LHFPL5: variants seen among roughly 807,000 people sequenced by gnomAD.
LHFPL5 encodes the protein LHFPL tetraspan subfamily member 5.
Under a neutral mutation model 18.7 loss-of-function variants are expected in LHFPL5, and 12 were observed. The observed-to-expected ratio is 0.64, with a 90% CI of 0.41 to 1.04. The LOEUF (loss-of-function observed/expected upper bound fraction) is 1.04. LHFPL5 is among the 50% of genes least tolerant of loss of function. LHFPL5 has a pLI of 0.00. For synonymous variants in LHFPL5, 111 were observed against 120.2 expected, an observed-to-expected ratio of 0.92 and a Z score of 0.50; for missense variants, 259 against 292.1, an observed-to-expected ratio of 0.89 and a Z score of 0.83.
rs1768640517 is a variant in LHFPL5, at chr6:35,810,216, A to T, written c.412+4134A>T. On this transcript the variant is annotated intron_variant, in intron 1 of 3. Transcript: ENST00000360215. Reference sequence around the variant, plus strand: ...TGGAGGGCCCTACCCTCATGACCTAATCACCTCCCAAAGGCCCCACCTCCT... The same window carrying T: ...TGGAGGGCCCTACCCTCATGACCTATTCACCTCCCAAAGGCCCCACCTCCT... Among the ~76,000 whole-genome samples, 7 of 152,078 alleles carry T rather than the reference A, an allele frequency of 4.6e-5. No homozygotes were observed. The South Asian group carries it at 1.5e-3, about 32-fold the overall frequency.
At chr6:35,819,330 T>A in intron 2 of LHFPL5, 107 bp from the exon 3 acceptor site, 1 of 1,052,564 alleles carries the variant, frequency 9.5e-7, no homozygotes, top group Non-Finnish European at 1.5e-6. Context: ...CAAGCTTTCT[T>A]GAGAGTAAGA....
chr6:35,806,119 C>A (rs771289147), intron 1 of LHFPL5, 37 bp downstream of exon 1: 1 of 1,605,160 alleles, frequency 6.2e-7, no homozygotes, highest in African/African-American at 1.3e-5. Flanking sequence ...CAGGGGCCCA[C>A]CCCGGGGCCA....
Position 35,805,870 on chromosome 6 carries a change from A to G in LHFPL5, c.200A>G (p.Tyr67Cys), listed in dbSNP as rs201738462. Residue 67 changes from tyrosine to cysteine, a missense_variant, in exon 1 of 4, where the codon TAC (tyrosine) becomes TGC (cysteine). Physicochemically the swap from Tyr to Cys is radical, Grantham distance 194. Transcript: ENST00000360215. This position sits in a 1 kb window ranked among gnomAD's most constrained non-coding sequence, Gnocchi z 4.3. Reference sequence around the variant, plus strand: ...GCAGGCTACTTCGGCCTTTTCTCCTACTGCGTGGGTAACGTGCTGTCCTCC... The same window carrying G: ...GCAGGCTACTTCGGCCTTTTCTCCTGCTGCGTGGGTAACGTGCTGTCCTCC... ...PQAGYFGLFS[Y>C]CVGNVLSSEL... is the part of the protein sequence containing the mutation. The G allele has an allele frequency of 3.1e-6, 5 of 1,614,062 alleles. No homozygotes were observed. The East Asian group carries it at 6.7e-5, about 22-fold the overall frequency.
In LHFPL5 at chr6:35,823,009, C is replaced by G. The variant is rs539528626; in HGVS notation, c.*44C>G. On this transcript the variant is annotated 3_prime_UTR_variant, in exon 4 of 4. Transcript: ENST00000360215. Reference sequence around the variant, plus strand: ...CATCTATTTCCCAGACACAGGAAAACTAGGGAATCAAATTCTTCAGAGATA... The same window carrying G: ...CATCTATTTCCCAGACACAGGAAAAGTAGGGAATCAAATTCTTCAGAGATA... The G allele has an allele frequency of 6.6e-6, 1 of 152,126 alleles. No homozygotes were observed. Among genetic ancestry groups the G allele is most frequent in the Non-Finnish European group, 1.5e-5 (1 of 68,030 alleles). The allele number at this position is 152,126 out of a possible 1,614,324, so 9.4% of individuals were successfully genotyped here.
intron 2 of LHFPL5, among the ~76,000 whole-genome samples, chr6:35,818,340 TATATATA>T (rs1561955618): frequency 7.3e-4 from 11 of 15,138 alleles, no homozygotes; most frequent in Admixed American, 1.9e-3. Flanking sequence ...TATATATATA[TATATATA>T]TGTATTTTTT....
chr6:35,817,248 G>A (rs1768783512), intron 2 of LHFPL5, among the ~76,000 whole-genome samples: 1 of 152,100 alleles, frequency 6.6e-6, no homozygotes, highest in Non-Finnish European at 1.5e-5. Flanking sequence ...GTGAACCTGG[G>A]AGGCAGAGCT....
At chr6:35,821,857 ATTTTTTTTTTTTTTTTTTTT>A (rs763639486) in intron 3 of LHFPL5, among the ~76,000 whole-genome samples, 3 of 39,136 alleles carry the variant, frequency 7.7e-5, no homozygotes, top group South Asian at 1.5e-3. Context: ...GTGTACCACA[ATTTTTTTTTTTTTTTTTTTT>A]TTTTTTTTTT....
chr6:35,818,103 C>T (rs1768793907), intron 2 of LHFPL5, among the ~76,000 whole-genome samples: 1 of 152,042 alleles, frequency 6.6e-6, no homozygotes, highest in African/African-American at 2.4e-5. Flanking sequence ...AGGAACCAGA[C>T]ACAAAAGACT....
At chr6:35,818,320 CATATATATATATATATATAT>C (rs112710434) in intron 2 of LHFPL5, among the ~76,000 whole-genome samples, 1 of 120,240 alleles carries the variant, frequency 8.3e-6, no homozygotes, top group Non-Finnish European at 1.7e-5. Flanking sequence ...TACTAAAAGC[CATATATATATATATATATAT>C]ATATATATGT....
At chr6:35,807,623 A>G (rs1295188694) in intron 1 of LHFPL5, among the ~76,000 whole-genome samples, 2 of 152,174 alleles carry the variant, frequency 1.3e-5, no homozygotes, top group Non-Finnish European at 2.9e-5. Context: ...TGAATCCCAG[A>G]CCACCAAACA....
chr6:35,819,421 C>T lies in LHFPL5; in HGVS notation c.650-16C>T. ...AGACTTGGTAGTAACGTATACTGTTCTCTCCTTCATTACAGAGGAGGTGTG... is the reference window on the plus strand; with the variant it reads ...AGACTTGGTAGTAACGTATACTGTTTTCTCCTTCATTACAGAGGAGGTGTG... On this transcript the variant is annotated splice_polypyrimidine_tract_variant and intron_variant, in intron 2 of 3. Transcript: ENST00000360215. 1.2e-6 allele frequency: 2 copies of T among 1,613,696 alleles called. No individual in the cohort carries two copies. Among genetic ancestry groups the T allele is most frequent in the Non-Finnish European group, 1.7e-6 (2 of 1,179,646 alleles).
chr6:35,818,887 A>C (rs1249716938), intron 2 of LHFPL5, among the ~76,000 whole-genome samples: 3 of 151,710 alleles, frequency 2.0e-5, no homozygotes, highest in Non-Finnish European at 4.4e-5. Flanking sequence ...GCTGGAGTGC[A>C]GTGGCGTGAT....
At chr6:35,807,098 G>A (rs745752389) in intron 1 of LHFPL5, among the ~76,000 whole-genome samples, 3 of 152,042 alleles carry the variant, frequency 2.0e-5, no homozygotes, top group African/African-American at 4.8e-5. Context: ...AAAGTGTTGG[G>A]ATTTCAGATG....
In LHFPL5 at chr6:35,823,731, C is replaced by CT. The variant is rs1298349100; in HGVS notation, c.*772dup. 1.3e-5 allele frequency: 2 copies of CT among 152,118 alleles called. No individual in the cohort carries two copies. Among genetic ancestry groups the CT allele is most frequent in the Non-Finnish European group, 2.9e-5 (2 of 68,024 alleles). 9.4% of individuals were successfully genotyped at this position (152,118 alleles called of 1,614,324 possible). A position where few individuals can be genotyped will look rare whatever the true frequency, so the allele number is the denominator to read the frequency against. Reference sequence around the variant, plus strand: ...TGATAGGATCTAAAATCTCTGCAGACTTTTTTCCTCCCGGGAGCCAAATAT... The same window carrying CT: ...TGATAGGATCTAAAATCTCTGCAGACTTTTTTTCCTCCCGGGAGCCAAATAT... On this transcript the variant is annotated 3_prime_UTR_variant, in exon 4 of 4. Coordinates refer to ENST00000360215, the MANE Select transcript of LHFPL5 (RefSeq NM_182548.4).
intron 2 of LHFPL5, among the ~76,000 whole-genome samples, chr6:35,819,155 A>G (rs1176832350): frequency 6.6e-6 from 1 of 152,104 alleles, no homozygotes; most frequent in Non-Finnish European, 1.5e-5. Flanking sequence ...TATATCACCC[A>G]TCTGCCCAAC....
At chr6:35,818,363 T>C (rs1429419710) in intron 2 of LHFPL5, among the ~76,000 whole-genome samples, 2 of 135,522 alleles carry the variant, frequency 1.5e-5, no homozygotes, top group Admixed American at 1.5e-4. Context: ...TTTTTTTTTT[T>C]TTTTTTTTTT....
intron 1 of LHFPL5, among the ~76,000 whole-genome samples, chr6:35,808,120 G>T (rs1396624862): frequency 2.0e-5 from 3 of 151,788 alleles, no homozygotes; most frequent in Non-Finnish European, 4.4e-5. Flanking sequence ...GGGCAGGGGT[G>T]GGCAGTGGGG....
intron 1 of LHFPL5, among the ~76,000 whole-genome samples, chr6:35,810,826 CAAAAA>C (rs11339201): frequency 3.4e-5 from 3 of 87,762 alleles, no homozygotes; most frequent in Non-Finnish European, 4.8e-5. Context: ...GACTCCGTCT[CAAAAA>C]AAAAAAAAAA....
At chr6:35,810,458 T>C (rs1242940901) in intron 1 of LHFPL5, among the ~76,000 whole-genome samples, 2 of 152,190 alleles carry the variant, frequency 1.3e-5, no homozygotes, top group Non-Finnish European at 2.9e-5. Flanking sequence ...GGCTCAAGCC[T>C]GTAATCCCAG....
Sources: allele counts gnomAD v4.1 joint callset (sites outside exome capture counted in the v4.1 genomes callset), GRCh38; gene constraint gnomAD v4.1.1; non-coding constraint Gnocchi (gnomAD v3.1); transcripts MANE v1.5; gene names NCBI Gene and HGNC (gene_info 2026-07-23, HGNC 2026-07-21).